The following KHDRBS2 variants were observed in gnomAD, a reference collection of about 807,000 sequenced individuals.
The protein encoded by KHDRBS2 is KH RNA binding domain containing, signal transduction associated 2, also known as KH domain-containing, RNA-binding, signal transduction-associated protein 2.
A neutral mutation model predicts 44.3 loss-of-function variants in KHDRBS2; 26 were observed. That is an observed-to-expected ratio of 0.59 (90% CI 0.43 to 0.81). The LOEUF (loss-of-function observed/expected upper bound fraction) is 0.81, where lower values mean the gene tolerates loss of function less well. Among genes scored for constraint, KHDRBS2 ranks in the 40% least tolerant of loss-of-function variants. KHDRBS2 has a pLI of 0.00. For missense variants in KHDRBS2, 476 were observed against 433.1 expected (o/e 1.10, Z -0.88); for synonymous variants, 194 against 151.1 (o/e 1.28, Z -2.08).
At chr6:61,977,277 C>T (rs1248754485) in intron 4 of KHDRBS2, among the ~76,000 whole-genome samples, 1 of 152,104 alleles carries the variant, frequency 6.6e-6, no homozygotes, top group Non-Finnish European at 1.5e-5. Flanking sequence ...ACTCAGCATT[C>T]TCTTCTAATT....
At chr6:61,918,161 G>A (rs16900612) in intron 4 of KHDRBS2, among the ~76,000 whole-genome samples, 3 of 151,784 alleles carry the variant, frequency 2.0e-5, no homozygotes, top group African/African-American at 7.3e-5. Flanking sequence ...ACTTTCAATG[G>A]CTTGCATTTC....
chr6:61,732,850 G>A, intron 6 of KHDRBS2, 86 bp from the exon 7 acceptor site: 1 of 763,966 alleles, frequency 1.3e-6, no homozygotes, highest in Non-Finnish European at 2.4e-6. Flanking sequence ...TATACAATGT[G>A]ATCTTGGTTT....
At chr6:62,234,991 A>G (rs573472362) in intron 1 of KHDRBS2, among the ~76,000 whole-genome samples, 1 of 151,938 alleles carries the variant, frequency 6.6e-6, no homozygotes, top group African/African-American at 2.4e-5. Context: ...CATGATAAAA[A>G]ATGAATAAAA....
chr6:61,940,811 G>A (rs1811987509), intron 4 of KHDRBS2, among the ~76,000 whole-genome samples: 1 of 152,126 alleles, frequency 6.6e-6, no homozygotes. Flanking sequence ...TCCAAGCATG[G>A]ACTATTGCTG....
chr6:61,695,820 G>A (rs528315172), intron 8 of KHDRBS2, among the ~76,000 whole-genome samples: 1 of 152,124 alleles, frequency 6.6e-6, no homozygotes, highest in South Asian at 2.1e-4. Flanking sequence ...CTGGTTTTAA[G>A]GAAGATACTC....
At chr6:61,592,188 C>CAAAAAAAAAAAAA in the KHDRBS2 span, among the ~76,000 whole-genome samples, 1 of 122,280 alleles carries the variant, frequency 8.2e-6, no homozygotes, top group Non-Finnish European at 1.7e-5. Context: ...AAGATCCCAC[C>CAAAAAAAAAAAAA]AAAAAAAAAA....
chr6:61,880,041 G>C lies in KHDRBS2; in HGVS notation c.810+14594C>G, dbSNP rs528361078. Among the ~76,000 whole-genome samples, 24 of 151,936 alleles carry C rather than the reference G, an allele frequency of 1.6e-4. No homozygotes were observed. In the South Asian group the frequency reaches 4.8e-3, roughly 30 times the overall value. ...AGAAAGAATCAAAATATAATTTTTA[G>C]ATTTTTTGAGGCTCAACTAAGTTGA... On this transcript the variant is annotated intron_variant, in intron 6 of 8. Transcript: ENST00000281156.
At chr6:61,656,003 C>G in the KHDRBS2 span, among the ~76,000 whole-genome samples, 1 of 152,044 alleles carries the variant, frequency 6.6e-6, no homozygotes, top group Non-Finnish European at 1.5e-5. Flanking sequence ...AGAGAGAAAT[C>G]TGATGTTCAT....
chr6:62,205,939 C>CA (rs1036907017), intron 1 of KHDRBS2, among the ~76,000 whole-genome samples: 4 of 151,508 alleles, frequency 2.6e-5, no homozygotes, highest in Admixed American at 1.3e-4. Context: ...ATGGCAAAAG[C>CA]AAAAAAGGAT....
chr6:61,731,262 C>T (rs1179822813), intron 7 of KHDRBS2, among the ~76,000 whole-genome samples: 1 of 151,296 alleles, frequency 6.6e-6, no homozygotes, highest in Non-Finnish European at 1.5e-5. Context: ...TTACCCTAAG[C>T]CTAAATGACT....
At chr6:61,927,348 C>T (rs1203397859) in intron 4 of KHDRBS2, among the ~76,000 whole-genome samples, 1 of 152,006 alleles carries the variant, frequency 6.6e-6, no homozygotes, top group Admixed American at 6.6e-5. Context: ...TATTTTTACT[C>T]TCAAGCAGCA....
At chr6:62,166,497 A>T (rs1181461328) in intron 2 of KHDRBS2, among the ~76,000 whole-genome samples, 1 of 152,042 alleles carries the variant, frequency 6.6e-6, no homozygotes, top group East Asian at 1.9e-4. Context: ...AGTTACTCCT[A>T]ATTTCTCTAC....
At chr6:61,895,014 G>T (rs1276199216) in intron 5 of KHDRBS2, among the ~76,000 whole-genome samples, 181 bp from the exon 6 acceptor site, 1 of 150,602 alleles carries the variant, frequency 6.6e-6, no homozygotes, top group African/African-American at 2.4e-5. Context: ...AAAGTGTGTT[G>T]ATATCTATAG....
the KHDRBS2 span, among the ~76,000 whole-genome samples, chr6:61,669,780 A>G: frequency 6.6e-6 from 1 of 151,070 alleles, no homozygotes. Flanking sequence ...TTGAAAAGAT[A>G]AAGATATTTT....
intron 6 of KHDRBS2, among the ~76,000 whole-genome samples, chr6:61,756,558 C>A (rs1778516755): frequency 6.6e-6 from 1 of 152,188 alleles, no homozygotes; most frequent in Non-Finnish European, 1.5e-5. Flanking sequence ...CCATGCCCAG[C>A]CTCATTATGA....
chr6:61,613,792 A>G, the KHDRBS2 span, among the ~76,000 whole-genome samples: 1 of 49,342 alleles, frequency 2.0e-5, no homozygotes, highest in Non-Finnish European at 5.5e-5. Context: ...GATGTTTGGC[A>G]TTCTACAGCA....
At chr6:62,077,472 G>A (rs145321283) in intron 2 of KHDRBS2, among the ~76,000 whole-genome samples, 227 of 152,076 alleles carry the variant, frequency 1.5e-3, no homozygotes, top group African/African-American at 5.3e-3. Flanking sequence ...CTAGTTCCAG[G>A]GACCTCTGTG....
the KHDRBS2 span, among the ~76,000 whole-genome samples, chr6:61,543,998 CA>C: frequency 1.3e-5 from 2 of 149,636 alleles, no homozygotes; most frequent in Non-Finnish European, 3.0e-5. Flanking sequence ...TTTGTAGATA[CA>C]AAAAAAAGTA....
intron 2 of KHDRBS2, among the ~76,000 whole-genome samples, chr6:62,078,946 A>T (rs1796868060): frequency 6.6e-6 from 1 of 152,056 alleles, no homozygotes; most frequent in African/African-American, 2.4e-5. Context: ...ATTTCTACAC[A>T]ATATTTTTAT....
Sources: allele counts gnomAD v4.1 joint callset (sites outside exome capture counted in the v4.1 genomes callset), GRCh38; gene constraint gnomAD v4.1.1; transcripts MANE v1.5; gene names NCBI Gene and HGNC (gene_info 2026-07-23, HGNC 2026-07-21).